ABCG2: variants seen among roughly 807,000 people sequenced by gnomAD.
ABCG2 encodes broad substrate specificity ATP-binding cassette transporter ABCG2.
A neutral mutation model predicts 73.5 loss-of-function variants in ABCG2; 80 were observed. That is an observed-to-expected ratio of 1.09 (90% CI 0.91 to 1.31). The LOEUF (loss-of-function observed/expected upper bound fraction) is 1.31, where lower values mean the gene tolerates loss of function less well. Ranked by LOEUF, ABCG2 falls within the 50% of genes most tolerant of loss-of-function variation. The pLI, the probability that ABCG2 is intolerant of heterozygous loss-of-function variation, is 0.00. For synonymous variants in ABCG2, 269 were observed against 282.4 expected, an observed-to-expected ratio of 0.95 and a Z score of 0.48; for missense variants, 796 against 786.2, an observed-to-expected ratio of 1.01 and a Z score of -0.15.
At chr4:88,144,199 A>G (rs539901325) in intron 1 of ABCG2, among the ~76,000 whole-genome samples, 9 of 152,120 alleles carry the variant, frequency 5.9e-5, no homozygotes, top group African/African-American at 2.2e-4. Flanking sequence ...TGTGTCCTAG[A>G]CCCCCTGCAA....
At chr4:88,158,959 C>T (rs1002641299), upstream of ABCG2, 6 of 348,238 alleles carry the variant, frequency 1.7e-5, no homozygotes, top group Admixed American at 1.6e-4. Flanking sequence ...GGTTCGCGGG[C>T]GGGGGTGAGG....
chr4:88,201,157 C>T (rs1295312242), intron 1 of ABCG2, among the ~76,000 whole-genome samples: 2 of 140,252 alleles, frequency 1.4e-5, no homozygotes, highest in South Asian at 2.2e-4. Flanking sequence ...AAACAAAAGC[C>T]GGTTATTTGA....
chr4:88,146,939 GAGGGAGGA>G (rs1726060988), intron 1 of ABCG2, among the ~76,000 whole-genome samples: 1 of 132,898 alleles, frequency 7.5e-6, no homozygotes, highest in Non-Finnish European at 1.6e-5. Flanking sequence ...GGAAGGAAGG[GAGGGAGGA>G]AGGGAGGGAG....
chr4:88,230,311 T>A (rs376267187), intron 1 of ABCG2, among the ~76,000 whole-genome samples: 5,861 of 15,346 alleles, frequency 0.38, 724 homozygotes, highest in East Asian at 0.44. Flanking sequence ...ATATATATTT[T>A]TTTTTTTGGC....
chr4:88,145,508 C>T (rs1725922332), intron 1 of ABCG2, among the ~76,000 whole-genome samples: 1 of 152,110 alleles, frequency 6.6e-6, no homozygotes, highest in Non-Finnish European at 1.5e-5. Flanking sequence ...CATGGCAGCA[C>T]AGTGATCTGG....
chr4:88,177,514 A>G (rs1249807720), intron 1 of ABCG2, among the ~76,000 whole-genome samples: 6 of 152,244 alleles, frequency 3.9e-5, no homozygotes, highest in African/African-American at 1.4e-4. Context: ...AGGTGGAACA[A>G]GATCACTGAA....
intron 1 of ABCG2, among the ~76,000 whole-genome samples, chr4:88,221,238 C>T (rs1000470539): frequency 1.5e-4 from 9 of 61,810 alleles, no homozygotes; most frequent in South Asian, 7.8e-4. Context: ...CACTGCACTC[C>T]GGCCTAGGCA....
chr4:88,159,245 G>A (rs768848743), upstream of ABCG2: 8 of 455,540 alleles, frequency 1.8e-5, no homozygotes, highest in South Asian at 1.1e-4. Flanking sequence ...TCACTGGCCG[G>A]AGCGCCGAAG....
At chr4:88,113,581 CACAA>C (rs748262749) in intron 8 of ABCG2, 28 bp from the exon 9 acceptor site, 33 of 1,601,956 alleles carry the variant, frequency 2.1e-5, no homozygotes, top group Non-Finnish European at 2.8e-5. Flanking sequence ...AAAAAGGAAA[CACAA>C]ACAAGATAAC....
intron 1 of ABCG2, among the ~76,000 whole-genome samples, chr4:88,204,076 G>A (rs1729286676): frequency 6.6e-6 from 1 of 152,048 alleles, no homozygotes; most frequent in South Asian, 2.1e-4. Flanking sequence ...TTTTCTTCAA[G>A]TAGGAAATGA....
intron 2 of ABCG2, among the ~76,000 whole-genome samples, chr4:88,138,373 C>G (rs182193922): frequency 6.6e-6 from 1 of 152,146 alleles, no homozygotes; most frequent in African/African-American, 2.4e-5. Flanking sequence ...AGAATCACAA[C>G]TTTTTAAATT....
At chr4:88,206,173 T>C (rs1021824179) in intron 1 of ABCG2, among the ~76,000 whole-genome samples, 10 of 152,152 alleles carry the variant, frequency 6.6e-5, no homozygotes, top group Non-Finnish European at 1.5e-4. Context: ...AAGAATCAAG[T>C]CCTGGCCAGG....
chr4:88,186,496 G>A (rs937098274), intron 1 of ABCG2, among the ~76,000 whole-genome samples: 1 of 152,138 alleles, frequency 6.6e-6, no homozygotes, highest in African/African-American at 2.4e-5. Context: ...GTGGTTATAA[G>A]CATGGTCGGT....
intron 12 of ABCG2, 99 bp from the exon 13 acceptor site, chr4:88,097,706 C>G: frequency 1.5e-6 from 2 of 1,305,756 alleles, no homozygotes; most frequent in Non-Finnish European, 2.1e-6. Flanking sequence ...TTTTGAGAAA[C>G]TAATATTAGA....
At position 88,101,287 on chromosome 4, in the gene ABCG2, T is replaced by C. The variant is rs747309767; in HGVS notation, c.1310A>G (p.Gln437Arg). ...AGVLFFLTTN[Q>R]CFSSVSAVEL... ...CACGGCTGAAACACTGCTGAAACAC[T>C]GGTTGGTCGTCAGGAAGAAGAGAAC... The change falls in exon 11 of 16, where the codon CAG becomes CGG. Residue 437 changes from glutamine (Q) to arginine (R), a missense_variant. By Grantham distance (43) the Gln-to-Arg change is conservative. Coordinates refer to ENST00000237612, the MANE Select transcript of ABCG2 (RefSeq NM_004827.3). 2 of 1,614,134 alleles carry C rather than the reference T, an allele frequency of 1.2e-6. No individual in the cohort carries two copies. Among genetic ancestry groups the C allele is most frequent in the East Asian group, 4.5e-5 (2 of 44,878 alleles).
rs572853318 is a variant in ABCG2 at position 88,104,540 on chromosome 4, T to C, written c.1277+2644A>G. 3.7e-4 allele frequency among the ~76,000 whole-genome samples: 56 copies of C among 151,750 alleles called. 1 individual carries two copies. The highest frequency in any genetic ancestry group is 1.3e-3 in the African/African-American group (54 of 41,366). On this transcript the variant is annotated intron_variant, in intron 10 of 15. Transcript: ENST00000237612. ...GTGGGAGGAAGAACATCAGGAAAAATAGCTAATGCATACTGGGCTTAACAC... is the reference window on the plus strand; with the variant it reads ...GTGGGAGGAAGAACATCAGGAAAAACAGCTAATGCATACTGGGCTTAACAC...
chr4:88,206,229 C>A (rs917588453), intron 1 of ABCG2, among the ~76,000 whole-genome samples: 3 of 152,082 alleles, frequency 2.0e-5, no homozygotes, highest in East Asian at 1.9e-4. Flanking sequence ...AAGGTGGGAG[C>A]TTTGCTTGAA....
chr4:88,203,498 C>T (rs879326452), intron 1 of ABCG2, among the ~76,000 whole-genome samples: 6 of 152,076 alleles, frequency 3.9e-5, no homozygotes, highest in Admixed American at 2.0e-4. Context: ...AGGCCAGGCG[C>T]GGTGGCTCAT....
At chr4:88,185,669 T>C (rs1247603367) in intron 1 of ABCG2, among the ~76,000 whole-genome samples, 1 of 152,078 alleles carries the variant, frequency 6.6e-6, no homozygotes, top group African/African-American at 2.4e-5. Context: ...AAAAAACTAA[T>C]AATCCAATTT....
Sources: gnomAD v4.1 joint callset for allele counts (sites outside exome capture counted in the v4.1 genomes callset) on GRCh38, gnomAD v4.1.1 for gene constraint, MANE v1.5 for transcripts, NCBI Gene and HGNC (gene_info 2026-07-23, HGNC 2026-07-21) for gene names.